VAV3: variants seen among roughly 807,000 people sequenced by gnomAD.
The protein encoded by VAV3 is vav guanine nucleotide exchange factor 3.
In VAV3, 94 loss-of-function variants were observed where a neutral mutation model predicts 131.2. The ratio of observed to expected loss-of-function variants is 0.72; its 90% CI spans 0.61 to 0.85. The LOEUF is 0.85. Among genes scored for constraint, VAV3 ranks in the 40% least tolerant of loss-of-function variants. The probability of loss-of-function intolerance (pLI) is 0.00; values close to 1 mark genes in which losing one functional copy is unlikely to be tolerated. For synonymous variants in VAV3, 349 were observed against 342.0 expected (o/e 1.02, Z -0.22); for missense variants, 939 against 1,002.7 (o/e 0.94, Z 0.86).
chr1:107,846,494 C>T (rs893792639), intron 2 of VAV3, among the ~76,000 whole-genome samples: 3 of 152,136 alleles, frequency 2.0e-5, no homozygotes, highest in Admixed American at 1.3e-4. Context: ...AGTCAAGACC[C>T]ATTGGTGTGC....
intron 25 of VAV3, among the ~76,000 whole-genome samples, chr1:107,592,314 A>G (rs1469447707): frequency 1.3e-5 from 2 of 152,134 alleles, no homozygotes; most frequent in Non-Finnish European, 2.9e-5. Flanking sequence ...TAATACCACC[A>G]AAGTGTTGGT....
chr1:107,962,368 T>C (rs1675133154), intron 1 of VAV3, among the ~76,000 whole-genome samples: 1 of 152,336 alleles, frequency 6.6e-6, no homozygotes, highest in Middle Eastern at 3.4e-3. Flanking sequence ...AAGGAACCGG[T>C]AGGCCTCTAC....
chr1:107,901,263 G>C lies in VAV3; in HGVS notation c.205-26246C>G, dbSNP rs1204642347. On this transcript the variant is annotated intron_variant, in intron 1 of 26. Transcript: ENST00000370056. ...ATAACCTACTAGTTTAAGATTATTG[G>C]TTGGTGGTTCCTAAATTATACACCA... 4.6e-5 allele frequency among the ~76,000 whole-genome samples: 7 copies of C among 152,232 alleles called. No homozygotes were observed. In the South Asian group the frequency reaches 1.4e-3, roughly 32 times the overall value.
intron 19 of VAV3, among the ~76,000 whole-genome samples, chr1:107,656,718 G>T (rs1656588544): frequency 6.6e-6 from 1 of 152,006 alleles, no homozygotes; most frequent in African/African-American, 2.4e-5. Context: ...CCAAAAGTAT[G>T]CACATCTATT....
At chr1:107,901,213 G>A (rs1354362430) in intron 1 of VAV3, among the ~76,000 whole-genome samples, 1 of 152,208 alleles carries the variant, frequency 6.6e-6, no homozygotes, top group African/African-American at 2.4e-5. Flanking sequence ...GCACTAGGAA[G>A]CAAATAATTT....
chr1:107,943,007 C>A (rs567970789), intron 1 of VAV3, among the ~76,000 whole-genome samples: 38 of 152,258 alleles, frequency 2.5e-4, no homozygotes, highest in African/African-American at 8.4e-4. Context: ...GCTTCTTCCC[C>A]CTAGGCAGTG....
chr1:107,624,444 GAA>G (rs60555746), intron 20 of VAV3, among the ~76,000 whole-genome samples: 1 of 146,900 alleles, frequency 6.8e-6, no homozygotes, highest in East Asian at 2.0e-4. Context: ...TTTAATGATA[GAA>G]AAAAAAAATT....
chr1:107,591,594 T>C (rs1485915989), intron 25 of VAV3, among the ~76,000 whole-genome samples: 1 of 152,166 alleles, frequency 6.6e-6, no homozygotes, highest in Non-Finnish European at 1.5e-5. Context: ...AAGGACACTG[T>C]CACTACCTCC....
chr1:107,713,592 A>G (rs1004825887), intron 15 of VAV3, among the ~76,000 whole-genome samples: 19 of 152,304 alleles, frequency 1.2e-4, no homozygotes, highest in Middle Eastern at 3.4e-3. Context: ...TGTACATTTA[A>G]ATAACAAGAC....
Position 107,761,485 on chromosome 1 carries a change from C to G in VAV3, c.922-606G>C, listed in dbSNP as rs903478249. Among the ~76,000 whole-genome samples the G allele has an allele frequency of 2.0e-5, 3 of 152,008 alleles. No individual in the cohort carries two copies. In the South Asian group the frequency reaches 6.2e-4, roughly 32 times the overall value. On this transcript the variant is annotated intron_variant, in intron 9 of 26. Coordinates refer to ENST00000370056, the MANE Select transcript of VAV3 (RefSeq NM_006113.5). ...AGGGTCTTCTTCAGTTTATCTTTAT[C>G]GCTGTACTTCCCACCAATTTCCCCC...
chr1:107,900,884 G>A (rs1044989113), intron 1 of VAV3, among the ~76,000 whole-genome samples: 18 of 152,150 alleles, frequency 1.2e-4, no homozygotes, highest in Non-Finnish European at 7.4e-5. Context: ...GTGTCCACAA[G>A]TTATTTTTTT....
chr1:107,711,947 A>T (rs571812667), intron 15 of VAV3, among the ~76,000 whole-genome samples: 1 of 152,240 alleles, frequency 6.6e-6, no homozygotes, highest in Admixed American at 6.5e-5. Flanking sequence ...CAGCCTCCCA[A>T]AGTGCTGGCA....
chr1:107,627,568 A>G (rs1472737140), intron 20 of VAV3, among the ~76,000 whole-genome samples: 1 of 152,192 alleles, frequency 6.6e-6, no homozygotes, highest in East Asian at 1.9e-4. Flanking sequence ...TGGAAAATAA[A>G]GCATGTCTTT....
chr1:107,597,479 G>T (rs1449246183), intron 24 of VAV3, among the ~76,000 whole-genome samples: 1 of 152,198 alleles, frequency 6.6e-6, no homozygotes, highest in African/African-American at 2.4e-5. Context: ...TCCTGCCATT[G>T]AGGAATTCTC....
chr1:107,907,152 T>C (rs981105797), intron 1 of VAV3, among the ~76,000 whole-genome samples: 1 of 152,198 alleles, frequency 6.6e-6, no homozygotes, highest in East Asian at 1.9e-4. Context: ...GAAAAGGCCA[T>C]GGACCACACA....
At chr1:107,908,871 ACAC>A (rs1672237867) in intron 1 of VAV3, among the ~76,000 whole-genome samples, 46 of 139,860 alleles carry the variant, frequency 3.3e-4, no homozygotes, top group African/African-American at 1.1e-3. Context: ...ACACACACAC[ACAC>A]AATATAAAAC....
At chr1:107,769,743 C>T (rs1664934453) in intron 6 of VAV3, among the ~76,000 whole-genome samples, 1 of 152,222 alleles carries the variant, frequency 6.6e-6, no homozygotes, top group Non-Finnish European at 1.5e-5. Context: ...TTCCCCACCC[C>T]TGTAATCTTC....
At chr1:107,706,057 T>G (rs1455175123) in intron 15 of VAV3, among the ~76,000 whole-genome samples, 7 of 152,180 alleles carry the variant, frequency 4.6e-5, no homozygotes, top group Non-Finnish European at 8.8e-5. Context: ...TTTGCTATTA[T>G]TTTTGATGGC....
intron 18 of VAV3, chr1:107,686,050 G>T (rs1303053462): frequency 2.5e-5 from 3 of 122,394 alleles, no homozygotes; most frequent in African/African-American, 5.9e-5. Context: ...GGGAGGGGGG[G>T]CAGGAACCAA....
Sources: gnomAD v4.1 joint callset for allele counts (sites outside exome capture counted in the v4.1 genomes callset) on GRCh38, gnomAD v4.1.1 for gene constraint, MANE v1.5 for transcripts, NCBI Gene and HGNC (gene_info 2026-07-23, HGNC 2026-07-21) for gene names.